FMN2: variants seen among roughly 807,000 people sequenced by gnomAD.
The protein encoded by FMN2 is formin-2.
FMN2 carries 51 observed loss-of-function variants against 142.3 expected under a neutral mutation model. The ratio of observed to expected loss-of-function variants is 0.36; its 90% CI spans 0.29 to 0.45. FMN2 has a LOEUF of 0.45. Ranked by LOEUF, FMN2 falls within the 20% of genes least tolerant of loss-of-function variation. The pLI is 1.00. For synonymous variants in FMN2, 882 were observed against 869.8 expected (o/e 1.01, Z -0.25); for missense variants, 1,936 against 2,122.8 (o/e 0.91, Z 1.73).
chr1:240,285,983 T>C (rs769688380), intron 7 of FMN2, among the ~76,000 whole-genome samples: 2 of 152,216 alleles, frequency 1.3e-5, no homozygotes. Flanking sequence ...CTGTTCTTGC[T>C]TAAGTCTAAA....
Position 240,180,566 on chromosome 1 carries a change from CT to C in FMN2, c.1930+2518del, listed in dbSNP as rs58433196. ...ATCCACTGTATATAACACATGACCC[CT>C]TTTTTTTTTTTTTTTTTTTAATGGA... On this transcript the variant is annotated intron_variant, in intron 3 of 17. Transcript: ENST00000319653. Among the ~76,000 whole-genome samples, 791 of 126,142 alleles carry C rather than the reference CT, an allele frequency of 6.3e-3. 9 individuals are homozygous for C. The highest frequency in any genetic ancestry group is 0.015 in the African/African-American group (484 of 33,270). 82.8% of individuals were successfully genotyped at this position (126,142 alleles called of 152,430 possible).
intron 2 of FMN2, chr1:240,177,714 G>T: frequency 2.8e-6 from 1 of 358,256 alleles, no homozygotes; most frequent in Non-Finnish European, 4.8e-6. Context: ...TGAGGCAAAT[G>T]TGGTTATAAA....
chr1:240,415,407 G>T (rs920128605), intron 15 of FMN2, among the ~76,000 whole-genome samples: 8 of 151,988 alleles, frequency 5.3e-5, no homozygotes, highest in Admixed American at 5.2e-4. Flanking sequence ...CTGGGGGAGG[G>T]ATAGCATTAG....
intron 6 of FMN2, among the ~76,000 whole-genome samples, chr1:240,233,046 A>G (rs1051596557): frequency 1.3e-5 from 2 of 152,120 alleles, no homozygotes; most frequent in Admixed American, 6.5e-5. Flanking sequence ...TCATTCATTC[A>G]CTGTAACAGC....
intron 7 of FMN2, among the ~76,000 whole-genome samples, chr1:240,287,688 T>A (rs1374854308): frequency 6.6e-6 from 1 of 152,208 alleles, no homozygotes; most frequent in Non-Finnish European, 1.5e-5. Flanking sequence ...AAAAAAAACA[T>A]TTTCCATTAT....
At chr1:240,393,654 T>G (rs1008192982) in intron 15 of FMN2, among the ~76,000 whole-genome samples, 10 of 152,170 alleles carry the variant, frequency 6.6e-5, no homozygotes, top group Non-Finnish European at 1.2e-4. Context: ...AAAGCCAAGA[T>G]ATGCCCAAAG....
chr1:240,300,696 A>G (rs1488366476), intron 8 of FMN2, among the ~76,000 whole-genome samples: 1 of 152,192 alleles, frequency 6.6e-6, no homozygotes, highest in Admixed American at 6.6e-5. Flanking sequence ...TAGAAAGCTA[A>G]CTAACTGTCA....
intron 15 of FMN2, chr1:240,401,159 C>T (rs906983097): frequency 6.6e-6 from 1 of 150,566 alleles, no homozygotes; most frequent in African/African-American, 2.4e-5. Context: ...TGCACATACA[C>T]ATATACAGAT....
At chr1:240,300,290 C>T (rs1670151665) in intron 8 of FMN2, among the ~76,000 whole-genome samples, 1 of 152,162 alleles carries the variant, frequency 6.6e-6, no homozygotes, top group African/African-American at 2.4e-5. Context: ...TATTTAATCC[C>T]ATTAAATGAC....
intron 16 of FMN2, among the ~76,000 whole-genome samples, chr1:240,461,155 G>A (rs906661790): frequency 2.0e-5 from 3 of 152,176 alleles, no homozygotes; most frequent in Non-Finnish European, 4.4e-5. Flanking sequence ...TGCATTGTGA[G>A]AGAAAATAGT....
At chr1:240,235,899 A>G (rs910543948) in intron 6 of FMN2, 26 of 152,176 alleles carry the variant, frequency 1.7e-4, no homozygotes, top group African/African-American at 5.6e-4. Flanking sequence ...ATGTCTGGTA[A>G]TGTATTCATT....
chr1:240,389,951 C>CA (rs1558467089), intron 14 of FMN2, among the ~76,000 whole-genome samples: 1 of 151,892 alleles, frequency 6.6e-6, no homozygotes, highest in African/African-American at 2.4e-5. Context: ...GACCCTGTCT[C>CA]AAAAAAATAA....
At chr1:240,209,761 G>A (rs184628024) in intron 5 of FMN2, among the ~76,000 whole-genome samples, 59 of 151,606 alleles carry the variant, frequency 3.9e-4, no homozygotes, top group African/African-American at 1.4e-3. Context: ...AAAATTAGCC[G>A]GGCGAGGTGG....
chr1:240,464,140 CAGAA>C (rs1450030616), intron 16 of FMN2, among the ~76,000 whole-genome samples: 9 of 152,162 alleles, frequency 5.9e-5, no homozygotes, highest in African/African-American at 1.9e-4. Context: ...TGACTAAACA[CAGAA>C]AGAGGCAGAT....
chr1:240,319,307 A>G (rs1670890366), intron 8 of FMN2, among the ~76,000 whole-genome samples: 2 of 152,194 alleles, frequency 1.3e-5, no homozygotes, highest in Non-Finnish European at 2.9e-5. Flanking sequence ...CTACATTATG[A>G]AATTGGAGAG....
chr1:240,432,760 A>C (rs1675219178), intron 15 of FMN2, among the ~76,000 whole-genome samples: 1 of 151,966 alleles, frequency 6.6e-6, no homozygotes, highest in Admixed American at 6.6e-5. Flanking sequence ...TATTTATCAC[A>C]GGTTTGCTTA....
chr1:240,186,871 A>G (rs1225475705), intron 3 of FMN2, among the ~76,000 whole-genome samples: 1 of 152,058 alleles, frequency 6.6e-6, no homozygotes, highest in South Asian at 2.1e-4. Flanking sequence ...GCTTAACAGT[A>G]TGTTAAGCTG....
At chr1:240,401,031 A>G (rs1673968499) in intron 15 of FMN2, 1 of 152,070 alleles carries the variant, frequency 6.6e-6, no homozygotes, top group South Asian at 2.1e-4. Context: ...AGGCTGAGGC[A>G]GAAGAATCGC....
rs938534998 is a variant in FMN2 at position 240,368,797 on chromosome 1, C to A, written c.4858+12889C>A. 2.0e-5 allele frequency among the ~76,000 whole-genome samples: 3 copies of A among 151,980 alleles called. No individual in the cohort carries two copies. In the East Asian group the frequency reaches 5.8e-4, roughly 29 times the overall value. On this transcript the variant is annotated intron_variant, in intron 14 of 17. Coordinates refer to ENST00000319653, the MANE Select transcript of FMN2 (RefSeq NM_020066.5). ...TAAATATTTTGGCCATCTTTGTAAA[C>A]AAATTAACACAAATTGATTGGAGGT...
Sources: allele counts gnomAD v4.1 joint callset (sites outside exome capture counted in the v4.1 genomes callset), GRCh38; gene constraint gnomAD v4.1.1; transcripts MANE v1.5; gene names NCBI Gene and HGNC (gene_info 2026-07-23, HGNC 2026-07-21).